TUBG1: variants seen among roughly 807,000 people sequenced by gnomAD.
TUBG1 encodes tubulin gamma 1.
Under a neutral mutation model 53.3 loss-of-function variants are expected in TUBG1, and 22 were observed. The observed-to-expected ratio is 0.41, with a 90% CI of 0.29 to 0.59. TUBG1 has a LOEUF of 0.59. Ranked by LOEUF, TUBG1 falls within the 20% of genes least tolerant of loss-of-function variation. TUBG1 has a pLI of 0.26. For missense variants in TUBG1, 217 were observed against 598.9 expected (o/e 0.36, Z 6.66); for synonymous variants, 198 against 236.7 (o/e 0.84, Z 1.50).
chr17:42,609,815 C>G, intron 1 of TUBG1, 29 bp downstream of exon 1: 1 of 1,549,340 alleles, frequency 6.5e-7, no homozygotes, highest in South Asian at 1.2e-5. Context: ...CCTCAGCTAG[C>G]CAGGTTCCTT....
intron 3 of TUBG1, chr17:42,610,850 C>A: frequency 2.4e-6 from 1 of 411,006 alleles, no homozygotes; most frequent in Non-Finnish European, 4.3e-6. Context: ...GTCCACAGTC[C>A]CTTATCTGCC....
intron 3 of TUBG1, 25 bp downstream of exon 3, chr17:42,610,615 C>T: frequency 6.2e-7 from 1 of 1,614,106 alleles, no homozygotes; most frequent in Non-Finnish European, 8.5e-7. Context: ...CCTGGCAGGG[C>T]CCACAACTCG....
chr17:42,615,063 C>T lies in TUBG1; in HGVS notation c.*22C>T, dbSNP rs1396155859. 1.9e-6 allele frequency: 3 copies of T among 1,612,912 alleles called. No individual in the cohort carries two copies. Among genetic ancestry groups the T allele is most frequent in the Non-Finnish European group, 2.5e-6 (3 of 1,179,266 alleles). On this transcript the variant is annotated 3_prime_UTR_variant, in exon 11 of 11. Transcript: ENST00000251413. The stretch of plus-strand genomic sequence containing the variant: ...GTGAGTCCCCCAGGACAGGGACCCT[C>T]ATCTGCCTTACTGGTTGGCCCAAGC...
rs750864269 is a variant in TUBG1 at position 42,612,486 on chromosome 17, C to A, written c.459C>A (p.Leu153=). The A allele has an allele frequency of 6.2e-7, 1 of 1,613,942 alleles. No individual in the cohort carries two copies. Among genetic ancestry groups the A allele is most frequent in the South Asian group, 1.1e-5 (1 of 91,088 alleles). The change falls in exon 5 of 11, where the codon CTC becomes CTA. Residue 153 remains leucine, a synonymous_variant. Transcript: ENST00000251413. ...CAGGCTCTGGACTGGGTTCCTACCTCTTAGAACGGCTGAATGACAGGTAAG... is the reference window on the plus strand; with the variant it reads ...CAGGCTCTGGACTGGGTTCCTACCTATTAGAACGGCTGAATGACAGGTAAG... ...GGTGSGLGSY[L]LERLNDRYPK...
In TUBG1 at chr17:42,614,049, G is replaced by C; in HGVS notation, c.843+51G>C. On this transcript the variant is annotated intron_variant, in intron 8 of 10. Coordinates refer to ENST00000251413, the MANE Select transcript of TUBG1 (RefSeq NM_001070.5). This position sits in a 1 kb window ranked among gnomAD's most constrained non-coding sequence, Gnocchi z 5.1. Reference sequence around the variant, plus strand: ...GCCAGGCCGGCCCTGGGCCCAACAGGCCCTGTCCTAGCCTTTCTCTCTTCC... The same window carrying C: ...GCCAGGCCGGCCCTGGGCCCAACAGCCCCTGTCCTAGCCTTTCTCTCTTCC... 1 of 1,613,260 alleles carries C rather than the reference G, an allele frequency of 6.2e-7. No homozygotes were observed. The highest frequency in any genetic ancestry group is 8.5e-7 in the Non-Finnish European group (1 of 1,179,524).
rs200833614 is a variant in TUBG1, at chr17:42,610,420, C to G, written c.163-3C>G. 6.3e-7 allele frequency: 1 copy of G among 1,590,212 alleles called. No homozygotes were observed. Among genetic ancestry groups the G allele is most frequent in the East Asian group, 2.2e-5 (1 of 44,584 alleles). On this transcript the variant is annotated splice_region_variant and splice_polypyrimidine_tract_variant and intron_variant, in intron 2 of 10. Transcript: ENST00000251413. ...GGGCCCCCTCCTGGACTCCCCTTGA[C>G]AGGCAGACGATGAGCACTACATCCC...
Position 42,612,104 on chromosome 17 carries a change from C to T in TUBG1, c.360C>T (p.Asp120=), listed in dbSNP as rs1304295468. 6.2e-7 allele frequency: 1 copy of T among 1,614,076 alleles called. No homozygotes were observed. Among genetic ancestry groups the T allele is most frequent in the Non-Finnish European group, 8.5e-7 (1 of 1,179,984 alleles). The change falls in exon 4 of 11, where the codon GAC becomes GAT. Residue 120 remains aspartate (D), a synonymous_variant. Coordinates refer to ENST00000251413, the MANE Select transcript of TUBG1 (RefSeq NM_001070.5). ...QGEKIHEDIF[D]IIDREADGSD... The stretch of plus-strand genomic sequence containing the variant: ...AAAAGATCCATGAGGACATTTTTGA[C>T]ATCATAGACCGGGAGGCAGATGGTA...
chr17:42,613,229 C>T (rs1320826537), intron 6 of TUBG1, among the ~76,000 whole-genome samples, 156 bp downstream of exon 6: 4 of 152,106 alleles, frequency 2.6e-5, no homozygotes, highest in African/African-American at 7.2e-5. Flanking sequence ...GTCGTTGGAT[C>T]GTTTGAGTTT....
At chr17:42,612,822 C>T (rs538384857) in intron 5 of TUBG1, 125 bp from the exon 6 acceptor site, 20 of 1,333,528 alleles carry the variant, frequency 1.5e-5, no homozygotes, top group Non-Finnish European at 2.0e-5. Context: ...GCTCCCTTCT[C>T]TACTGATTTG....
Position 42,613,984 on chromosome 17 carries a change from A to C in TUBG1, c.829A>C (p.Thr277Pro), listed in dbSNP as rs1597749526. Residue 277 changes from threonine to proline, a missense_variant, in exon 8 of 11, where the codon ACT (threonine) becomes CCT (proline). Coordinates refer to ENST00000251413, the MANE Select transcript of TUBG1 (RefSeq NM_001070.5). The stretch of plus-strand genomic sequence containing the variant: ...CCTCATGACCGGCTACACCCCTCTC[A>C]CTACGGACCAGTCAGTAAGAGCAGC... ...HFLMTGYTPL[T>P]TDQSVASVRK... The C allele has an allele frequency of 6.2e-7, 1 of 1,614,006 alleles. No individual in the cohort carries two copies. The highest frequency in any genetic ancestry group is 8.5e-7 in the Non-Finnish European group (1 of 1,179,968).
rs2052048161 is a variant in TUBG1 at position 42,612,964 on chromosome 17, T to C, written c.497T>C (p.Val166Ala). 6.2e-7 allele frequency: 1 copy of C among 1,613,948 alleles called. No homozygotes were observed. Among genetic ancestry groups the C allele is most frequent in the Non-Finnish European group, 8.5e-7 (1 of 1,179,978 alleles). ...RLNDRYPKKL[V>A]QTYSVFPNQD... ...CCCACCAGGTATCCTAAGAAGCTGG[T>C]GCAGACATACTCAGTGTTTCCCAAC... The change falls in exon 6 of 11, where the codon GTG (valine) becomes GCG (alanine). Residue 166 changes from valine to alanine, a missense_variant. Physicochemically the swap from Val to Ala is moderately conservative, Grantham distance 64. This residue lies in a region of TUBG1 where 135 missense variants were observed against 371.2 expected (regional missense o/e 0.36). Transcript: ENST00000251413.
rs138115228 is a variant in TUBG1, at chr17:42,615,034, A to G, written c.1349A>G (p.Glu450Gly). ...RPDYISWGTQ[E>G]Q The stretch of plus-strand genomic sequence containing the variant: ...GACTACATCTCCTGGGGCACCCAGG[A>G]GCAGTGAGTCCCCCAGGACAGGGAC... Residue 450 changes from glutamate to glycine, a missense_variant, in exon 11 of 11, where the codon GAG becomes GGG. Coordinates refer to ENST00000251413, the MANE Select transcript of TUBG1 (RefSeq NM_001070.5). 10 of 1,614,004 alleles carry G rather than the reference A, an allele frequency of 6.2e-6. No homozygotes were observed. Among genetic ancestry groups the G allele is most frequent in the Non-Finnish European group, 8.5e-6 (10 of 1,180,004 alleles).
chr17:42,615,225 T>C lies in TUBG1; in HGVS notation c.*184T>C, dbSNP rs1597750501. 2 of 599,476 alleles carry C rather than the reference T, an allele frequency of 3.3e-6. No individual in the cohort carries two copies. Among genetic ancestry groups the C allele is most frequent in the Non-Finnish European group, 5.8e-6 (2 of 344,466 alleles). 37.1% of individuals were successfully genotyped at this position (599,476 alleles called of 1,614,324 possible). On this transcript the variant is annotated 3_prime_UTR_variant, in exon 11 of 11. Coordinates refer to ENST00000251413, the MANE Select transcript of TUBG1 (RefSeq NM_001070.5). ...AGACTATTTATCTTTAATAAAGCAC[T>C]GGATATAAATCAAGTCACTGCTCCC... is the stretch of plus-strand genomic sequence containing the variant.
rs1190225848 is a variant in TUBG1, at chr17:42,613,037, C to T, written c.570C>T (p.Leu190=). Residue 190 remains leucine (L), a synonymous_variant, in exon 6 of 11, where the codon CTC becomes CTT. Transcript: ENST00000251413. ...DVVVQPYNSL[L]TLKRLTQNAD... ...TGGTCCAGCCTTACAATTCACTCCT[C>T]ACACTCAAGAGGCTGACGCAGAATG... is the stretch of plus-strand genomic sequence containing the variant. The T allele has an allele frequency of 1.2e-6, 2 of 1,614,038 alleles. No individual in the cohort carries two copies. Among genetic ancestry groups the T allele is most frequent in the Non-Finnish European group, 1.7e-6 (2 of 1,180,024 alleles).
In TUBG1 at chr17:42,613,986, T is replaced by C. The variant is rs1252841126; in HGVS notation, c.831T>C (p.Thr277=). The change falls in exon 8 of 11, where the codon ACT becomes ACC. Residue 277 remains threonine, a synonymous_variant. Transcript: ENST00000251413. ...HFLMTGYTPL[T]TDQSVASVRK... ...TCATGACCGGCTACACCCCTCTCAC[T>C]ACGGACCAGTCAGTAAGAGCAGCCT... The C allele has an allele frequency of 1.2e-6, 2 of 1,614,134 alleles. No individual in the cohort carries two copies. The highest frequency in any genetic ancestry group is 1.7e-6 in the Non-Finnish European group (2 of 1,180,020).
In TUBG1 at chr17:42,610,237, G is replaced by A; in HGVS notation, c.162+17G>A. 6.2e-7 allele frequency: 1 copy of A among 1,614,196 alleles called. No homozygotes were observed. The highest frequency in any genetic ancestry group is 8.5e-7 in the Non-Finnish European group (1 of 1,180,024). On this transcript the variant is annotated intron_variant, in intron 2 of 10. Coordinates refer to ENST00000251413, the MANE Select transcript of TUBG1 (RefSeq NM_001070.5). ...TTCTACCAGGTGCCCCCAGCGACTTGGCCGGGGGCGGCAGTTGCCCAAGGG... is the reference window on the plus strand; with the variant it reads ...TTCTACCAGGTGCCCCCAGCGACTTAGCCGGGGGCGGCAGTTGCCCAAGGG...
chr17:42,611,839 G>A (rs1360754162), intron 3 of TUBG1, among the ~76,000 whole-genome samples: 1 of 37,862 alleles, frequency 2.6e-5, no homozygotes, highest in Non-Finnish European at 7.2e-5. Context: ...CTGGGAGAAA[G>A]AGAGAGACTC....
intron 7 of TUBG1, 28 bp from the exon 8 acceptor site, chr17:42,613,821 G>C (rs772725077): frequency 6.2e-7 from 1 of 1,614,008 alleles, no homozygotes; most frequent in Non-Finnish European, 8.5e-7. Flanking sequence ...CCAGGCTGAG[G>C]CCCATAACAT....
chr17:42,612,157 G>T lies in TUBG1; in HGVS notation c.399+14G>T, dbSNP rs370799020. Reference sequence around the variant, plus strand: ...GACAGTCTAGAGGTAAGTGTCCCAGGAATGCTGGTAGGAGCCGACATGGGC... The same window carrying T: ...GACAGTCTAGAGGTAAGTGTCCCAGTAATGCTGGTAGGAGCCGACATGGGC... On this transcript the variant is annotated intron_variant, in intron 4 of 10. Coordinates refer to ENST00000251413, the MANE Select transcript of TUBG1 (RefSeq NM_001070.5). 2 of 1,613,892 alleles carry T rather than the reference G, an allele frequency of 1.2e-6. No homozygotes were observed. Among genetic ancestry groups the T allele is most frequent in the Non-Finnish European group, 8.5e-7 (1 of 1,179,862 alleles).
Sources: allele counts gnomAD v4.1 joint callset (sites outside exome capture counted in the v4.1 genomes callset), GRCh38; gene constraint gnomAD v4.1.1; regional missense constraint gnomAD v4.1.1; non-coding constraint Gnocchi (gnomAD v3.1); transcripts MANE v1.5; gene names NCBI Gene and HGNC (gene_info 2026-07-23, HGNC 2026-07-21).